The following ZNF444 variants were observed in gnomAD, a reference collection of about 807,000 sequenced individuals.
ZNF444 encodes endothelial zinc finger protein 2.
Under a neutral mutation model 14.4 loss-of-function variants are expected in ZNF444, and 8 were observed. The observed-to-expected ratio is 0.56, with a 90% confidence interval of 0.33 to 1.00. ZNF444 has a LOEUF of 1.00. ZNF444 is among the 50% of genes least tolerant of loss of function. The pLI is 0.03. For synonymous variants in ZNF444, 258 were observed against 235.9 expected (o/e 1.09, Z -0.86); for missense variants, 510 against 504.8 (o/e 1.01, Z -0.10).
At chr19:56,135,285 G>T (rs1050589284) in intron 1 of ZNF444, among the ~76,000 whole-genome samples, 1 of 152,142 alleles carries the variant, frequency 6.6e-6, no homozygotes, top group Non-Finnish European at 1.5e-5. Context: ...ACCAAGTGCA[G>T]GGCAGCCTGC....
In ZNF444 at chr19:56,146,293, G is replaced by C. The variant is rs990886259; in HGVS notation, c.-150G>C. On this transcript the variant is annotated 5_prime_UTR_variant, in exon 2 of 5. Transcript: ENST00000337080. Reference sequence around the variant, plus strand: ...CAGGACTGAGGTACAGAGGCCAGGGGCCCAGGGCAGGACCCAGCCTGGACT... The same window carrying C: ...CAGGACTGAGGTACAGAGGCCAGGGCCCCAGGGCAGGACCCAGCCTGGACT... 3.9e-5 allele frequency: 6 copies of C among 152,444 alleles called. No homozygotes were observed. Among genetic ancestry groups the C allele is most frequent in the African/African-American group, 1.2e-4 (5 of 41,442 alleles). 9.4% of individuals were successfully genotyped at this position (152,444 alleles called of 1,614,324 possible).
chr19:56,159,686 A>T lies in ZNF444; in HGVS notation c.469A>T (p.Lys157Ter). Reference sequence around the variant, plus strand: ...GGACTCCCAGGCTGTGCGCCCCTACAAGCAGGAGCCCAGCAGCCCCCCGCT... The same window carrying T: ...GGACTCCCAGGCTGTGCGCCCCTACTAGCAGGAGCCCAGCAGCCCCCCGCT... ...PGDSQAVRPY[K>*]QEPSSPPLAP... is the part of the protein sequence containing the mutation. The change falls in exon 5 of 5, where the codon AAG becomes TAG. Residue 157 changes from lysine to a stop codon, truncating the protein, a stop_gained. Coordinates refer to ENST00000337080, the MANE Select transcript of ZNF444 (RefSeq NM_018337.4). LOFTEE classifies it low-confidence loss of function (END_TRUNC). 6.5e-7 allele frequency: 1 copy of T among 1,533,444 alleles called. No homozygotes were observed. Among genetic ancestry groups the T allele is most frequent in the Non-Finnish European group, 8.7e-7 (1 of 1,144,382 alleles). The allele number at this position is 1,533,444 out of a possible 1,614,324, so 95.0% of individuals were successfully genotyped here. A position where few individuals can be genotyped will look rare whatever the true frequency, so the allele number is the denominator to read the frequency against.
At chr19:56,152,487 T>TG (rs1399229171) in intron 3 of ZNF444, among the ~76,000 whole-genome samples, 6 of 151,690 alleles carry the variant, frequency 4.0e-5, no homozygotes, top group Admixed American at 1.3e-4. Context: ...GGTTTTGTTT[T>TG]TTTTTTTTTT....
intron 4 of ZNF444, 42 bp from the exon 5 acceptor site, chr19:56,159,582 C>T (rs1288378271): frequency 3.5e-6 from 5 of 1,414,536 alleles, no homozygotes; most frequent in Non-Finnish European, 4.6e-6. Flanking sequence ...CCTTGCCCCG[C>T]CCTCGTGCCG....
At chr19:56,143,364 T>G (rs1372334590) in intron 1 of ZNF444, 1 of 152,316 alleles carries the variant, frequency 6.6e-6, no homozygotes, top group Non-Finnish European at 1.5e-5. Context: ...CATTGCTCTC[T>G]GGCGGAAATT....
chr19:56,146,116 G>C (rs1485131673), intron 1 of ZNF444, 131 bp from the exon 2 acceptor site: 1 of 152,308 alleles, frequency 6.6e-6, no homozygotes, highest in Non-Finnish European at 1.5e-5. Context: ...CTTCTGAGTA[G>C]GCTGCAAAGT....
At position 56,159,847 on chromosome 19, in the gene ZNF444, T is replaced by A. The variant is rs1319530998; in HGVS notation, c.630T>A (p.Pro210=). 2 of 1,555,622 alleles carry A rather than the reference T, an allele frequency of 1.3e-6. No individual in the cohort carries two copies. The highest frequency in any genetic ancestry group is 2.4e-5 in the East Asian group (1 of 42,108). ...CGGGCGAGAAGCCGCACGCCTGCCC[T>A]GAGTGCGGGAAGGCCTTTCGGCGCA... ...SHSGEKPHAC[P]ECGKAFRRKE... The change falls in exon 5 of 5, where the codon CCT becomes CCA. Residue 210 remains proline (P), a synonymous_variant. Transcript: ENST00000337080.
rs1326323283 is a variant in ZNF444 at position 56,145,567 on chromosome 19, C to A, written c.-196-680C>A. Among the ~76,000 whole-genome samples, 1 of 151,796 alleles carries A rather than the reference C, an allele frequency of 6.6e-6. No individual in the cohort carries two copies. Among genetic ancestry groups the A allele is most frequent in the Non-Finnish European group, 1.5e-5 (1 of 67,988 alleles). On this transcript the variant is annotated intron_variant, in intron 1 of 4. Coordinates refer to ENST00000337080, the MANE Select transcript of ZNF444 (RefSeq NM_018337.4). This position sits in a 1 kb window ranked among gnomAD's most constrained non-coding sequence, Gnocchi z 4.3. ...CACCATTGCACTCCATCCTGGGCAACAGAGCGAGACTCCATCTCAAAACAA... is the reference window on the plus strand; with the variant it reads ...CACCATTGCACTCCATCCTGGGCAAAAGAGCGAGACTCCATCTCAAAACAA...
At chr19:56,133,767 C>T (rs1480672196) in intron 1 of ZNF444, among the ~76,000 whole-genome samples, 3 of 148,652 alleles carry the variant, frequency 2.0e-5, no homozygotes, top group East Asian at 2.0e-4. Context: ...GAGCCAAGAT[C>T]GCGCCACTGC....
chr19:56,147,767 C>G lies in ZNF444; in HGVS notation c.297+559C>G, dbSNP rs2031295365. On this transcript the variant is annotated intron_variant, in intron 3 of 4. Transcript: ENST00000337080. The surrounding 1 kb of genome is among the most constrained non-coding windows in gnomAD (Gnocchi z 5.9). ...CCTGAGTCCCCCGGGGCAGGCAGACCCTCCTTATCATGCGTGAGGCTCCAA... is the reference window on the plus strand; with the variant it reads ...CCTGAGTCCCCCGGGGCAGGCAGACGCTCCTTATCATGCGTGAGGCTCCAA... Among the ~76,000 whole-genome samples the G allele has an allele frequency of 1.3e-5, 2 of 152,042 alleles. No homozygotes were observed. Among genetic ancestry groups the G allele is most frequent in the African/African-American group, 4.8e-5 (2 of 41,402 alleles).
intron 4 of ZNF444, among the ~76,000 whole-genome samples, chr19:56,159,054 C>T (rs756858804): frequency 1.3e-5 from 2 of 151,640 alleles, no homozygotes; most frequent in African/African-American, 4.8e-5. Flanking sequence ...CATTCATCCA[C>T]CCATCATCCG....
rs770466482 is a variant in ZNF444 at position 56,158,498 on chromosome 19, C to T, written c.302C>T (p.Pro101Leu). 1.3e-5 allele frequency: 21 copies of T among 1,607,206 alleles called. No individual in the cohort carries two copies. The highest frequency in any genetic ancestry group is 1.8e-5 in the Non-Finnish European group (21 of 1,176,956). ...AVALLEELWG[P>L]AASPDGSSAT... Reference sequence around the variant, plus strand: ...AAAACTGTGCTCTCATTTCAGGGGCCAGCAGCCTCCCCCGATGGGTCGTCA... The same window carrying T: ...AAAACTGTGCTCTCATTTCAGGGGCTAGCAGCCTCCCCCGATGGGTCGTCA... Residue 101 changes from proline (P) to leucine (L), a missense_variant, in exon 4 of 5, where the codon CCA becomes CTA. Transcript: ENST00000337080.
chr19:56,148,479 A>G (rs2031348739), intron 3 of ZNF444, among the ~76,000 whole-genome samples: 1 of 152,116 alleles, frequency 6.6e-6, no homozygotes, highest in Admixed American at 6.5e-5. Flanking sequence ...CCTTCAGTCC[A>G]TGGCAGCCGG....
chr19:56,139,309 C>T (rs944531009), upstream of ZNF444, among the ~76,000 whole-genome samples: 1 of 152,038 alleles, frequency 6.6e-6, no homozygotes, highest in East Asian at 1.9e-4. Flanking sequence ...TAGCCATAGA[C>T]GGGAGAGCTG....
chr19:56,150,499 C>T, intron 3 of ZNF444: 4 of 370,888 alleles, frequency 1.1e-5, no homozygotes, highest in South Asian at 8.2e-5. Flanking sequence ...AAGGGCAGAT[C>T]TCAGGTTCAG....
At chr19:56,146,747 A>G (rs985265274) in intron 2 of ZNF444, 143 bp from the exon 3 acceptor site, 2 of 623,188 alleles carry the variant, frequency 3.2e-6, no homozygotes, top group Non-Finnish European at 4.7e-6. Context: ...GAGATCCGCC[A>G]CTGCACTCCA....
In ZNF444 at chr19:56,159,823, G is replaced by C. The variant is rs752476973; in HGVS notation, c.606G>C (p.Ser202=). The change falls in exon 5 of 5, where the codon TCG becomes TCC. Residue 202 remains serine, a synonymous_variant. Transcript: ENST00000337080. ...AHLLRHRQSH[S]GEKPHACPEC... is the part of the protein sequence containing the mutation. ...TGCTGCGCCACCGGCAGAGCCACTC[G>C]GGCGAGAAGCCGCACGCCTGCCCTG... 80 of 1,575,984 alleles carry C rather than the reference G, an allele frequency of 5.1e-5. No homozygotes were observed. The highest frequency in any genetic ancestry group is 1.4e-4 in the Admixed American group (8 of 56,514).
chr19:56,157,870 T>C (rs968257524), intron 3 of ZNF444: 1 of 152,218 alleles, frequency 6.6e-6, no homozygotes, highest in Non-Finnish European at 1.5e-5. Flanking sequence ...AATTATGTAG[T>C]AGGGCGAAGA....
At position 56,147,346 on chromosome 19, in the gene ZNF444, G is replaced by A. The variant is rs1340936112; in HGVS notation, c.297+138G>A. On this transcript the variant is annotated intron_variant, in intron 3 of 4. Coordinates refer to ENST00000337080, the MANE Select transcript of ZNF444 (RefSeq NM_018337.4). The surrounding 1 kb of genome is among the most constrained non-coding windows in gnomAD (Gnocchi z 5.9). ...GTGGGGAGGCTGCGGTACAGGCTGC[G>A]GTACAGCGTGGAGGGACAGTCCACG... 5.9e-6 allele frequency: 6 copies of A among 1,021,060 alleles called. No homozygotes were observed. In the Admixed American group the frequency reaches 1.1e-4, roughly 19 times the overall value. The allele number at this position is 1,021,060 out of a possible 1,614,324, so 63.3% of individuals were successfully genotyped here.
Sources: gnomAD v4.1 joint callset for allele counts (sites outside exome capture counted in the v4.1 genomes callset) on GRCh38, gnomAD v4.1.1 for gene constraint, Gnocchi (gnomAD v3.1) non-coding constraint, MANE v1.5 for transcripts, NCBI Gene and HGNC (gene_info 2026-07-23, HGNC 2026-07-21) for gene names.